The following PTPRT variants were observed in gnomAD, a reference collection of about 807,000 sequenced individuals.
PTPRT encodes protein tyrosine phosphatase receptor type T, also known as receptor-type tyrosine-protein phosphatase T.
Under a neutral mutation model 176.8 loss-of-function variants are expected in PTPRT, and 56 were observed. The ratio of observed to expected loss-of-function variants is 0.32; its 90% CI spans 0.26 to 0.40. The LOEUF is 0.40. PTPRT is among the 10% of genes least tolerant of loss of function. The pLI, the probability that PTPRT is intolerant of heterozygous loss-of-function variation, is 1.00. For missense variants in PTPRT, 1,540 were observed against 1,908.2 expected, an observed-to-expected ratio of 0.81 and a Z score of 3.60; for synonymous variants, 783 against 739.0, an observed-to-expected ratio of 1.06 and a Z score of -0.96.
intron 9 of PTPRT, among the ~76,000 whole-genome samples, chr20:42,428,386 G>A (rs566782609): frequency 1.3e-5 from 2 of 152,162 alleles, no homozygotes; most frequent in African/African-American, 4.8e-5. Flanking sequence ...TTCATGAACT[G>A]CCATGGTTCT....
At chr20:42,819,203 T>C (rs1479483287) in intron 2 of PTPRT, among the ~76,000 whole-genome samples, 3 of 152,176 alleles carry the variant, frequency 2.0e-5, no homozygotes, top group African/African-American at 7.2e-5. Flanking sequence ...AGTGGACCTC[T>C]GGGCAGAAAC....
chr20:43,171,145 T>C (rs994820758), intron 1 of PTPRT, among the ~76,000 whole-genome samples: 3 of 152,244 alleles, frequency 2.0e-5, no homozygotes, highest in Non-Finnish European at 4.4e-5. Context: ...ACTTTAAGTA[T>C]TCTTTCTTTA....
At chr20:42,598,283 T>A (rs902305650) in intron 7 of PTPRT, among the ~76,000 whole-genome samples, 2 of 152,220 alleles carry the variant, frequency 1.3e-5, no homozygotes, top group Non-Finnish European at 2.9e-5. Context: ...ATACAGCTAT[T>A]AGCAGACAGT....
chr20:42,848,915 G>A (rs753821822), intron 2 of PTPRT, among the ~76,000 whole-genome samples: 1 of 152,044 alleles, frequency 6.6e-6, no homozygotes, highest in Non-Finnish European at 1.5e-5. Flanking sequence ...GGTTTTTTCC[G>A]ATGTTATCTT....
chr20:42,176,467 C>T (rs1340045742), intron 16 of PTPRT, among the ~76,000 whole-genome samples: 1 of 152,130 alleles, frequency 6.6e-6, no homozygotes, highest in Non-Finnish European at 1.5e-5. Context: ...CTCCAGGGGA[C>T]TGGACATGAT....
rs368691177 is a variant in PTPRT, at chr20:42,157,556, G to A, written c.2682+3796C>T. On this transcript the variant is annotated intron_variant, in intron 17 of 30. Coordinates refer to ENST00000373187, the MANE Select transcript of PTPRT (RefSeq NM_007050.6). ...AGAAGGGGTTTCACCATGTCGGCCA[G>A]GCTGGTCTTGAACTCCTGACCTCAG... Among the ~76,000 whole-genome samples the A allele has an allele frequency of 7.2e-5, 11 of 152,128 alleles. No homozygotes were observed. The East Asian group carries it at 1.9e-3, about 27-fold the overall frequency.
intron 23 of PTPRT, among the ~76,000 whole-genome samples, chr20:42,108,922 T>TAAACA (rs1986763879): frequency 3.9e-5 from 6 of 152,264 alleles, no homozygotes; most frequent in Admixed American, 3.9e-4. Context: ...GTCCTGATGA[T>TAAACA]AAACAAACAT....
chr20:43,076,686 C>T lies in PTPRT; in HGVS notation c.88+112960G>A, dbSNP rs1172190936. ...CACCCATTACCCCCACCTCTACCCA[C>T]TGTCCTCTGGTCCTTATCCCATGAT... is the stretch of plus-strand genomic sequence containing the variant. On this transcript the variant is annotated intron_variant, in intron 1 of 30. Transcript: ENST00000373187. 9.9e-5 allele frequency among the ~76,000 whole-genome samples: 15 copies of T among 152,244 alleles called. 2 individuals carry two copies. Among genetic ancestry groups the T allele is most frequent in the Admixed American group, 9.2e-4 (14 of 15,288 alleles).
chr20:43,123,482 A>T (rs1308770779), intron 1 of PTPRT, among the ~76,000 whole-genome samples: 5 of 152,164 alleles, frequency 3.3e-5, no homozygotes, highest in African/African-American at 1.2e-4. Flanking sequence ...GTCCTCTTAA[A>T]AGAGAGAGAA....
intron 2 of PTPRT, among the ~76,000 whole-genome samples, chr20:42,841,662 A>C (rs8119661): frequency 0.091 from 13,076 of 143,146 alleles, 705 homozygotes; most frequent in Admixed American, 0.16. Context: ...CACACACATA[A>C]TCTCTCTCTC....
intron 1 of PTPRT, among the ~76,000 whole-genome samples, chr20:43,053,854 G>A (rs1414414504): frequency 3.3e-5 from 5 of 152,162 alleles, no homozygotes; most frequent in Admixed American, 6.5e-5. Flanking sequence ...AGGGAGAAAG[G>A]AACAGAAGAA....
intron 1 of PTPRT, among the ~76,000 whole-genome samples, chr20:42,962,218 T>C (rs1568703332): frequency 6.6e-6 from 1 of 152,200 alleles, no homozygotes; most frequent in Non-Finnish European, 1.5e-5. Context: ...GCCTAGTTTA[T>C]AGGGTTGATA....
rs75355821 is a variant in PTPRT at position 42,474,622 on chromosome 20, T to C, written c.1154-2060A>G. On this transcript the variant is annotated intron_variant, in intron 7 of 30. Transcript: ENST00000373187. ...GAACAAGCTGTTGCTGAGGGCCTAT[T>C]GTGGAATGGAAGGTGAAATGTGGTC... 8.2e-3 allele frequency among the ~76,000 whole-genome samples: 1,253 copies of C among 152,256 alleles called. 26 individuals are homozygous for C. Among genetic ancestry groups the C allele is most frequent in the African/African-American group, 0.029 (1,216 of 41,554 alleles).
intron 6 of PTPRT, among the ~76,000 whole-genome samples, chr20:42,690,175 TG>T (rs1306778251): frequency 1.3e-5 from 2 of 150,116 alleles, no homozygotes; most frequent in Non-Finnish European, 3.0e-5. Context: ...GGAGCAGGGG[TG>T]GGGGGCCAGC....
chr20:42,746,027 A>T (rs2076685909), intron 6 of PTPRT, among the ~76,000 whole-genome samples: 1 of 152,228 alleles, frequency 6.6e-6, no homozygotes, highest in African/African-American at 2.4e-5. Flanking sequence ...ACAGGAGGGT[A>T]ATGTTCCAAG....
chr20:42,382,030 T>C (rs777165241), intron 9 of PTPRT, among the ~76,000 whole-genome samples: 1 of 152,366 alleles, frequency 6.6e-6, no homozygotes, highest in Middle Eastern at 3.4e-3. Flanking sequence ...GATTCCATAA[T>C]ACATTGCTAA....
chr20:42,250,490 C>T (rs563068010), intron 13 of PTPRT, among the ~76,000 whole-genome samples: 6 of 151,802 alleles, frequency 4.0e-5, no homozygotes, highest in South Asian at 2.1e-4. Flanking sequence ...CACATTGATG[C>T]ACCCCCTTTT....
intron 1 of PTPRT, among the ~76,000 whole-genome samples, chr20:42,956,856 A>G (rs1981675486): frequency 6.6e-6 from 1 of 152,202 alleles, no homozygotes; most frequent in South Asian, 2.1e-4. Context: ...TAGGAGGCAC[A>G]TAAACTGAGT....
intron 1 of PTPRT, among the ~76,000 whole-genome samples, chr20:42,902,535 AG>A (rs1310050943): frequency 1.3e-5 from 2 of 152,222 alleles, no homozygotes; most frequent in African/African-American, 2.4e-5. Flanking sequence ...TGTCATGCAA[AG>A]CTTTCTCAAG....
Sources: allele counts gnomAD v4.1 joint callset (sites outside exome capture counted in the v4.1 genomes callset), GRCh38; gene constraint gnomAD v4.1.1; transcripts MANE v1.5; gene names NCBI Gene and HGNC (gene_info 2026-07-23, HGNC 2026-07-21).